Variants in FKBP9 observed in about 807,000 individuals in gnomAD.
The protein encoded by FKBP9 is peptidyl-prolyl cis-trans isomerase FKBP9.
FKBP9 carries 27 observed loss-of-function variants against 55.6 expected under a neutral mutation model. That is an observed-to-expected ratio of 0.49 (90% confidence interval 0.36 to 0.67). The LOEUF (loss-of-function observed/expected upper bound fraction) is 0.67, where lower values mean the gene tolerates loss of function less well. FKBP9 is among the 30% of genes least tolerant of loss of function. The pLI is 0.00. For missense variants in FKBP9, 539 were observed against 742.8 expected, an observed-to-expected ratio of 0.73 and a Z score of 3.19; for synonymous variants, 267 against 296.5, an observed-to-expected ratio of 0.90 and a Z score of 1.02.
chr7:32,970,028 T>C (rs1235567123), intron 1 of FKBP9, among the ~76,000 whole-genome samples: 3 of 150,526 alleles, frequency 2.0e-5, no homozygotes, highest in Admixed American at 6.6e-5. Flanking sequence ...CGTATGAATT[T>C]TAGTTTAGTT....
intron 1 of FKBP9, among the ~76,000 whole-genome samples, chr7:32,968,184 C>T (rs1482964506): frequency 6.6e-6 from 1 of 152,188 alleles, no homozygotes; most frequent in African/African-American, 2.4e-5. Context: ...GACTACAGTA[C>T]CTTTGCACCA....
At chr7:32,988,859 G>A in intron 6 of FKBP9, 1 of 535,028 alleles carries the variant, frequency 1.9e-6, no homozygotes, top group South Asian at 2.5e-5. Flanking sequence ...CTTCAGAGTA[G>A]CTGGCACTAC....
intron 1 of FKBP9, among the ~76,000 whole-genome samples, chr7:32,971,633 G>A (rs1359896496): frequency 6.6e-6 from 1 of 152,008 alleles, no homozygotes; most frequent in Non-Finnish European, 1.5e-5. Flanking sequence ...TGCACATACC[G>A]CCATGCTCAG....
chr7:32,976,810 G>T (rs1423231472), intron 4 of FKBP9, among the ~76,000 whole-genome samples: 4 of 152,130 alleles, frequency 2.6e-5, no homozygotes, highest in Admixed American at 2.0e-4. Context: ...AGTCTGGATT[G>T]TCTGCTGTCT....
intron 1 of FKBP9, among the ~76,000 whole-genome samples, chr7:32,965,820 T>TAC (rs1784127213): frequency 3.2e-4 from 5 of 15,606 alleles, no homozygotes; most frequent in African/African-American, 9.2e-4. Flanking sequence ...AAAATATATA[T>TAC]ATATATATAT....
In FKBP9 at chr7:33,005,384, C is replaced by T. The variant is rs371569693; in HGVS notation, c.*33C>T. 937 of 1,610,102 alleles carry T rather than the reference C, an allele frequency of 5.8e-4. 1 individual carries two copies. Among genetic ancestry groups the T allele is most frequent in the Non-Finnish European group, 7.1e-4 (834 of 1,177,274 alleles). On this transcript the variant is annotated 3_prime_UTR_variant, in exon 10 of 10. Transcript: ENST00000242209. ...ATGAACCAGATGGTGCCAGGGAGTACGTGACACCAAGCCACCTGTGTGGCA... is the reference window on the plus strand; with the variant it reads ...ATGAACCAGATGGTGCCAGGGAGTATGTGACACCAAGCCACCTGTGTGGCA...
Position 32,996,148 on chromosome 7 carries a change from G to A in FKBP9, c.1040-15G>A, listed in dbSNP as rs188088078. On this transcript the variant is annotated splice_polypyrimidine_tract_variant and intron_variant, in intron 6 of 9. Transcript: ENST00000242209. ...TGCAGGGGTCATTCATTAATTCCCC[G>A]TGTCTGTCCTTTAGGGAATATCCCC... is the stretch of plus-strand genomic sequence containing the variant. 138 of 1,613,006 alleles carry A rather than the reference G, an allele frequency of 8.6e-5. No individual in the cohort carries two copies. The highest frequency in any genetic ancestry group is 4.0e-4 in the East Asian group (18 of 44,872).
At chr7:32,992,152 C>T (rs374801443) in intron 6 of FKBP9, among the ~76,000 whole-genome samples, 5 of 152,222 alleles carry the variant, frequency 3.3e-5, no homozygotes, top group African/African-American at 2.4e-5. Flanking sequence ...TGTGGAGAAC[C>T]GAGACCTCAA....
At chr7:33,000,648 A>G (rs1030979463) in intron 8 of FKBP9, among the ~76,000 whole-genome samples, 46 of 151,862 alleles carry the variant, frequency 3.0e-4, no homozygotes, top group Middle Eastern at 3.2e-3. Context: ...CTGAGCCTGT[A>G]GGCTGTCCAA....
At chr7:32,959,295 C>T (rs1430040554) in intron 1 of FKBP9, among the ~76,000 whole-genome samples, 2 of 152,140 alleles carry the variant, frequency 1.3e-5, no homozygotes, top group South Asian at 2.1e-4. Flanking sequence ...ATCCCAACTA[C>T]GCGGGAGGTT....
chr7:33,002,869 G>C, intron 9 of FKBP9, 30 bp downstream of exon 9: 1 of 1,605,986 alleles, frequency 6.2e-7, no homozygotes, highest in Non-Finnish European at 8.5e-7. Flanking sequence ...AGGAAGGTGG[G>C]ACCGAAGAGC....
chr7:32,957,687 C>T lies in FKBP9; in HGVS notation c.114C>T (p.Ile38=), dbSNP rs1783927522. The change falls in exon 1 of 10, where the codon ATC becomes ATT. Residue 38 remains isoleucine (I), a synonymous_variant. Coordinates refer to ENST00000242209, the MANE Select transcript of FKBP9 (RefSeq NM_007270.5). ...AGLGSDAELQ[I]ERRFVPDECP... is the part of the protein sequence containing the mutation. ...TGGGCTCCGACGCGGAGCTGCAGAT[C>T]GAGCGGCGCTTCGTGCCCGACGAGT... is the stretch of plus-strand genomic sequence containing the variant. 2 of 1,531,252 alleles carry T rather than the reference C, an allele frequency of 1.3e-6. No individual in the cohort carries two copies. The highest frequency in any genetic ancestry group is 1.4e-5 in the African/African-American group (1 of 69,784). The allele number at this position is 1,531,252 out of a possible 1,614,324, so 94.9% of individuals were successfully genotyped here. A position where few individuals can be genotyped will look rare whatever the true frequency, so the allele number is the denominator to read the frequency against.
At chr7:32,980,774 G>C (rs1438015027) in intron 5 of FKBP9, among the ~76,000 whole-genome samples, 1 of 151,730 alleles carries the variant, frequency 6.6e-6, no homozygotes, top group South Asian at 2.1e-4. Context: ...CTGTCATCCA[G>C]TGTGGAGTGC....
chr7:32,989,173 C>G (rs1305519613), intron 6 of FKBP9: 1 of 152,022 alleles, frequency 6.6e-6, no homozygotes, highest in African/African-American at 2.4e-5. Context: ...GCAAAAGCCC[C>G]TCTTTGGTTT....
chr7:32,977,832 C>CATAT (rs1467823088), intron 4 of FKBP9, among the ~76,000 whole-genome samples: 6 of 136,870 alleles, frequency 4.4e-5, no homozygotes, highest in South Asian at 2.3e-4. Flanking sequence ...TATACACGCC[C>CATAT]ATATATATAT....
chr7:32,974,981 T>G, intron 2 of FKBP9: 1 of 638,290 alleles, frequency 1.6e-6, no homozygotes, highest in Non-Finnish European at 2.7e-6. Flanking sequence ...ATACCCTCAA[T>G]GAGAAGAAGA....
At chr7:32,990,775 GC>G (rs1784664599) in intron 6 of FKBP9, among the ~76,000 whole-genome samples, 1 of 152,162 alleles carries the variant, frequency 6.6e-6, no homozygotes, top group Admixed American at 6.5e-5. Flanking sequence ...ATGGAGGCTG[GC>G]CTTGCTGGCT....
At chr7:32,988,221 C>T (rs1583861680) in intron 5 of FKBP9, among the ~76,000 whole-genome samples, 1 of 152,266 alleles carries the variant, frequency 6.6e-6, no homozygotes, top group East Asian at 1.9e-4. Flanking sequence ...ACATTAGCTC[C>T]ATTTCTGTGT....
In FKBP9 at chr7:32,969,722, G is replaced by T. The variant is rs571576691; in HGVS notation, c.222-4895G>T. 2.6e-5 allele frequency among the ~76,000 whole-genome samples: 4 copies of T among 152,086 alleles called. No homozygotes were observed. In the East Asian group the frequency reaches 5.8e-4, roughly 22 times the overall value. On this transcript the variant is annotated intron_variant, in intron 1 of 9. Transcript: ENST00000242209. ...CTTTAGAGTCCTTCAAGATTCCAAG[G>T]CCAGGCACCGTGGCTCACACCTGTA...
Sources: allele counts gnomAD v4.1 joint callset (sites outside exome capture counted in the v4.1 genomes callset), GRCh38; gene constraint gnomAD v4.1.1; transcripts MANE v1.5; gene names NCBI Gene and HGNC (gene_info 2026-07-23, HGNC 2026-07-21).